The following HS2ST1 variants were observed in gnomAD, a reference collection of about 807,000 sequenced individuals.
The protein encoded by HS2ST1 is heparan sulfate 2-O-sulfotransferase 1.
In HS2ST1, 18 loss-of-function variants were observed where a neutral mutation model predicts 42.9. The observed-to-expected ratio is 0.42, with a 90% CI of 0.29 to 0.62. The LOEUF (loss-of-function observed/expected upper bound fraction) is 0.62, where lower values mean the gene tolerates loss of function less well. Ranked by LOEUF, HS2ST1 falls within the 20% of genes least tolerant of loss-of-function variation. The pLI, the probability that HS2ST1 is intolerant of heterozygous loss-of-function variation, is 0.21. For synonymous variants in HS2ST1, 146 were observed against 152.9 expected (o/e 0.95, Z 0.33); for missense variants, 334 against 433.8 (o/e 0.77, Z 2.04).
intron 1 of HS2ST1, among the ~76,000 whole-genome samples, chr1:87,011,479 A>G (rs1649596455): frequency 6.6e-6 from 1 of 150,858 alleles, no homozygotes; most frequent in South Asian, 2.1e-4. Flanking sequence ...CCTGGGCTCA[A>G]GTGATCTTGA....
chr1:86,939,414 A>G (rs1660719510), intron 1 of HS2ST1, among the ~76,000 whole-genome samples: 1 of 152,238 alleles, frequency 6.6e-6, no homozygotes, highest in Non-Finnish European at 1.5e-5. Flanking sequence ...ACTTAGCAAA[A>G]AATTACTGTT....
chr1:87,010,574 CAAATT>C (rs1428186221), intron 1 of HS2ST1, among the ~76,000 whole-genome samples: 3 of 151,758 alleles, frequency 2.0e-5, no homozygotes, highest in African/African-American at 7.3e-5. Context: ...TTTGGAGTAA[CAAATT>C]AAACATTTTT....
chr1:87,009,505 T>C (rs1383641161), intron 1 of HS2ST1, among the ~76,000 whole-genome samples: 1 of 152,224 alleles, frequency 6.6e-6, no homozygotes, highest in African/African-American at 2.4e-5. Context: ...TTTGACTGTT[T>C]TTAACATCTG....
At chr1:86,977,534 C>G (rs1436236716) in intron 1 of HS2ST1, among the ~76,000 whole-genome samples, 1 of 152,152 alleles carries the variant, frequency 6.6e-6, no homozygotes, top group Non-Finnish European at 1.5e-5. Context: ...GTGACATTTA[C>G]TGAGACAAAA....
intron 1 of HS2ST1, among the ~76,000 whole-genome samples, chr1:86,998,325 T>A (rs1188728071): frequency 1.3e-5 from 2 of 152,220 alleles, no homozygotes; most frequent in African/African-American, 4.8e-5. Context: ...GCTTGTTTTT[T>A]ATAGGTCATT....
At chr1:87,058,679 T>C (rs949113181) in intron 1 of HS2ST1, among the ~76,000 whole-genome samples, 4 of 151,694 alleles carry the variant, frequency 2.6e-5, no homozygotes, top group African/African-American at 7.3e-5. Flanking sequence ...CTGACTTTTT[T>C]CCCCTGTAAT....
At chr1:87,000,490 C>A (rs1168826038) in intron 1 of HS2ST1, among the ~76,000 whole-genome samples, 1 of 152,094 alleles carries the variant, frequency 6.6e-6, no homozygotes, top group Admixed American at 6.6e-5. Context: ...CCAAATTATG[C>A]CCACTTCAAA....
chr1:86,965,844 TTA>T (rs1450686542), intron 1 of HS2ST1, among the ~76,000 whole-genome samples: 1 of 152,188 alleles, frequency 6.6e-6, no homozygotes, highest in African/African-American at 2.4e-5. Context: ...AAAGAATAGT[TTA>T]TACAAGGAAT....
intron 1 of HS2ST1, among the ~76,000 whole-genome samples, chr1:86,982,095 C>G (rs1210015106): frequency 6.6e-6 from 1 of 152,246 alleles, no homozygotes; most frequent in Non-Finnish European, 1.5e-5. Flanking sequence ...GGCGTGCACC[C>G]TCTGAAGCAA....
At chr1:87,050,367 G>A (rs940955754) in intron 1 of HS2ST1, among the ~76,000 whole-genome samples, 1 of 151,344 alleles carries the variant, frequency 6.6e-6, no homozygotes, top group East Asian at 1.9e-4. Flanking sequence ...TTTATTTTTC[G>A]AACTTTGTTT....
chr1:86,964,518 A>G (rs1183348765), intron 1 of HS2ST1, among the ~76,000 whole-genome samples: 5 of 152,234 alleles, frequency 3.3e-5, no homozygotes, highest in Non-Finnish European at 5.9e-5. Context: ...CGCGCCTGCA[A>G]TCGCAGGCAC....
chr1:87,004,130 C>T (rs1318055938), intron 1 of HS2ST1, among the ~76,000 whole-genome samples: 3 of 152,150 alleles, frequency 2.0e-5, no homozygotes, highest in Non-Finnish European at 4.4e-5. Flanking sequence ...GTGGCTGACA[C>T]CTGTAATCCC....
rs531665591 is a variant in HS2ST1, at chr1:87,106,020, C to G, written c.*1324C>G. The G allele has an allele frequency of 6.6e-6, 1 of 152,560 alleles. No individual in the cohort carries two copies. Among genetic ancestry groups the G allele is most frequent in the South Asian group, 2.1e-4 (1 of 4,816 alleles). The allele number at this position is 152,560 out of a possible 1,614,324, so 9.5% of individuals were successfully genotyped here. ...GGATAATAATACCTGCTGTACCTAC[C>G]TCACAGGGCTGTTGTGAGGATTAAA... On this transcript the variant is annotated 3_prime_UTR_variant, in exon 7 of 7. Transcript: ENST00000370550.
intron 1 of HS2ST1, among the ~76,000 whole-genome samples, chr1:86,938,148 G>A (rs1271204249): frequency 1.3e-5 from 2 of 151,562 alleles, no homozygotes; most frequent in African/African-American, 4.9e-5. Context: ...AGATTCATTG[G>A]TTGAACATGG....
At chr1:87,026,376 G>GC (rs1439794666) in intron 1 of HS2ST1, among the ~76,000 whole-genome samples, 3 of 152,140 alleles carry the variant, frequency 2.0e-5, no homozygotes, top group Non-Finnish European at 4.4e-5. Context: ...CAGGCATTAG[G>GC]TAAATTATGT....
chr1:87,096,046 T>G (rs1470386585), intron 4 of HS2ST1, among the ~76,000 whole-genome samples: 1 of 151,864 alleles, frequency 6.6e-6, no homozygotes, highest in East Asian at 1.9e-4. Flanking sequence ...GATTTTCATA[T>G]TTGCTCCTGA....
chr1:86,992,742 G>T (rs984059836), intron 1 of HS2ST1, among the ~76,000 whole-genome samples: 3 of 152,154 alleles, frequency 2.0e-5, no homozygotes, highest in African/African-American at 7.2e-5. Context: ...ATTGGCTGGG[G>T]CCCTTTACAA....
chr1:86,962,030 C>T (rs1049328462), intron 1 of HS2ST1, among the ~76,000 whole-genome samples: 24 of 151,688 alleles, frequency 1.6e-4, no homozygotes, highest in African/African-American at 4.8e-4. Context: ...TTTCATATTT[C>T]GAGTATTGTA....
intron 1 of HS2ST1, among the ~76,000 whole-genome samples, chr1:87,005,181 A>G (rs1429042377): frequency 6.6e-6 from 1 of 152,204 alleles, no homozygotes; most frequent in Non-Finnish European, 1.5e-5. Flanking sequence ...GTTGCTTATC[A>G]TAGTGTGAAT....
Sources: allele counts gnomAD v4.1 joint callset (sites outside exome capture counted in the v4.1 genomes callset), GRCh38; gene constraint gnomAD v4.1.1; transcripts MANE v1.5; gene names NCBI Gene and HGNC (gene_info 2026-07-23, HGNC 2026-07-21).